The following LOXL2 variants were observed in gnomAD, a reference collection of about 807,000 sequenced individuals.
The protein encoded by LOXL2 is lysyl oxidase homolog 2.
LOXL2 carries 70 observed loss-of-function variants against 93.0 expected under a neutral mutation model. The observed-to-expected ratio is 0.75, with a 90% confidence interval of 0.62 to 0.92. The LOEUF is 0.92. Ranked by LOEUF, LOXL2 falls within the 40% of genes least tolerant of loss-of-function variation. The pLI is 0.00. For missense variants in LOXL2, 973 were observed against 1,054.9 expected, an observed-to-expected ratio of 0.92 and a Z score of 1.08; for synonymous variants, 438 against 413.2, an observed-to-expected ratio of 1.06 and a Z score of -0.73.
intron 1 of LOXL2, among the ~76,000 whole-genome samples, chr8:23,400,481 A>G (rs1045051396): frequency 2.0e-5 from 3 of 152,162 alleles, no homozygotes; most frequent in Admixed American, 6.5e-5. Context: ...CCTACAACAC[A>G]TGGGAATTAT....
chr8:23,316,425 C>T (rs942479224), intron 9 of LOXL2, among the ~76,000 whole-genome samples: 2 of 152,138 alleles, frequency 1.3e-5, no homozygotes, highest in African/African-American at 4.8e-5. Context: ...TTGTCTACTG[C>T]TCCTCTTCTC....
chr8:23,372,419 T>C (rs572056648), intron 1 of LOXL2, among the ~76,000 whole-genome samples: 2 of 152,108 alleles, frequency 1.3e-5, no homozygotes, highest in African/African-American at 2.4e-5. Context: ...GGTTTCACCA[T>C]GTTGGCCAGG....
At chr8:23,314,832 G>GAA (rs33927977) in intron 9 of LOXL2, among the ~76,000 whole-genome samples, 1 of 149,266 alleles carries the variant, frequency 6.7e-6, no homozygotes, top group Non-Finnish European at 1.5e-5. Flanking sequence ...AACGAAAAAA[G>GAA]AAAAAAATAA....
intron 2 of LOXL2, among the ~76,000 whole-genome samples, chr8:23,362,029 A>G (rs116411284): frequency 6.6e-6 from 1 of 151,826 alleles, no homozygotes; most frequent in Non-Finnish European, 1.5e-5. Flanking sequence ...AAAAGAATTG[A>G]AAACAGTGTC....
chr8:23,331,552 T>C (rs547783327), intron 5 of LOXL2: 4 of 152,220 alleles, frequency 2.6e-5, no homozygotes, highest in Non-Finnish European at 5.9e-5. Context: ...CTCCCTCTCC[T>C]CTTCCCAGTT....
intron 12 of LOXL2, among the ~76,000 whole-genome samples, chr8:23,301,479 G>A (rs926086524): frequency 6.6e-6 from 1 of 152,202 alleles, no homozygotes; most frequent in Non-Finnish European, 1.5e-5. Context: ...CTCGTGTTCA[G>A]TATTTTATTC....
At position 23,312,021 on chromosome 8, in the gene LOXL2, C is replaced by A. The variant is rs555308561; in HGVS notation, c.1637-2110G>T. Among the ~76,000 whole-genome samples the A allele has an allele frequency of 3.3e-5, 5 of 152,290 alleles. No individual in the cohort carries two copies. The East Asian group carries it at 5.8e-4, about 18-fold the overall frequency. On this transcript the variant is annotated intron_variant, in intron 9 of 13. Transcript: ENST00000389131. ...CTACCATCAGAGAATACTACAAACACCTCTACACAAATAAACTAGAAATCT... is the reference window on the plus strand; with the variant it reads ...CTACCATCAGAGAATACTACAAACAACTCTACACAAATAAACTAGAAATCT...
intron 1 of LOXL2, 67 bp from the exon 2 acceptor site, chr8:23,368,501 C>G (rs6999447): frequency 1.4e-5 from 9 of 651,622 alleles, no homozygotes; most frequent in African/African-American, 1.3e-4. Context: ...AGAGAACCAG[C>G]GATTTCATAC....
At position 23,354,596 on chromosome 8, in the gene LOXL2, G is replaced by C. The variant is rs867043441; in HGVS notation, c.531+5494C>G. ...TGGTTGGCATCCCTTCTCTGTGTGT[G>C]TGTGTGTGTGTTCTCACACACATGT... is the stretch of plus-strand genomic sequence containing the variant. On this transcript the variant is annotated intron_variant, in intron 3 of 13. Transcript: ENST00000389131. 4.2e-4 allele frequency among the ~76,000 whole-genome samples: 64 copies of C among 152,190 alleles called. 2 individuals are homozygous for C. Among genetic ancestry groups the C allele is most frequent in the Admixed American group, 1.3e-3 (20 of 15,294 alleles).
intron 9 of LOXL2, among the ~76,000 whole-genome samples, chr8:23,313,470 C>G (rs1336228241): frequency 1.3e-5 from 2 of 151,934 alleles, no homozygotes; most frequent in East Asian, 1.9e-4. Context: ...TGGAACAGAA[C>G]AGAGCCCTCA....
intron 9 of LOXL2, among the ~76,000 whole-genome samples, chr8:23,314,198 C>T (rs1203788619): frequency 6.6e-6 from 1 of 151,712 alleles, no homozygotes; most frequent in East Asian, 1.9e-4. Flanking sequence ...GTTGGTGGGA[C>T]TGTAAACTAG....
At chr8:23,307,456 G>C (rs938895019) in intron 10 of LOXL2, among the ~76,000 whole-genome samples, 4 of 152,126 alleles carry the variant, frequency 2.6e-5, no homozygotes, top group African/African-American at 9.7e-5. Flanking sequence ...CAGGAAAAGT[G>C]GGGGAGCAGG....
chr8:23,372,321 G>A (rs186263104), intron 1 of LOXL2, among the ~76,000 whole-genome samples: 23 of 151,876 alleles, frequency 1.5e-4, no homozygotes, highest in Admixed American at 5.9e-4. Flanking sequence ...GGGTTCAAGC[G>A]ATTCTCCTGC....
chr8:23,299,545 C>T (rs1803092951), intron 12 of LOXL2, among the ~76,000 whole-genome samples: 1 of 152,208 alleles, frequency 6.6e-6, no homozygotes, highest in Non-Finnish European at 1.5e-5. Context: ...TCCGCATCCC[C>T]CCAGCTACAG....
chr8:23,331,058 A>G lies in LOXL2; in HGVS notation c.966+2343T>C, dbSNP rs79750617. Among the ~76,000 whole-genome samples the G allele has an allele frequency of 3.9e-3, 594 of 152,066 alleles. 4 individuals carry two copies. The highest frequency in any genetic ancestry group is 0.014 in the African/African-American group (580 of 41,500). Reference sequence around the variant, plus strand: ...CACTGAAGGCTCAGTCTTTTGTTCAAATCTCCACCAAGCCTGGGATGGGGG... The same window carrying G: ...CACTGAAGGCTCAGTCTTTTGTTCAGATCTCCACCAAGCCTGGGATGGGGG... On this transcript the variant is annotated intron_variant, in intron 5 of 13. Coordinates refer to ENST00000389131, the MANE Select transcript of LOXL2 (RefSeq NM_002318.3).
intron 6 of LOXL2, among the ~76,000 whole-genome samples, chr8:23,326,557 C>G (rs1803579715): frequency 6.6e-6 from 1 of 152,118 alleles, no homozygotes; most frequent in Admixed American, 6.6e-5. Context: ...AGTTCAAGAC[C>G]AGCCTGGCCA....
At chr8:23,316,688 A>AG in intron 9 of LOXL2, 1 of 489,992 alleles carries the variant, frequency 2.0e-6, no homozygotes, top group East Asian at 3.5e-5. Flanking sequence ...GGGTCACTGC[A>AG]GTAGCAGTGG....
chr8:23,320,395 C>G (rs1450145167), intron 7 of LOXL2, among the ~76,000 whole-genome samples: 1 of 152,180 alleles, frequency 6.6e-6, no homozygotes, highest in Non-Finnish European at 1.5e-5. Flanking sequence ...TCCCACAAGA[C>G]TCCTGCCTGG....
chr8:23,362,425 A>T (rs112577134), intron 2 of LOXL2, among the ~76,000 whole-genome samples: 3 of 152,330 alleles, frequency 2.0e-5, no homozygotes, highest in African/African-American at 7.2e-5. Context: ...AACACTACTG[A>T]ACTGGACACT....
Sources: allele counts gnomAD v4.1 joint callset (sites outside exome capture counted in the v4.1 genomes callset), GRCh38; gene constraint gnomAD v4.1.1; transcripts MANE v1.5; gene names NCBI Gene and HGNC (gene_info 2026-07-23, HGNC 2026-07-21).